XKR9: variants seen among roughly 807,000 people sequenced by gnomAD.
XKR9 encodes the protein XK-related protein 9.
In XKR9, 32 loss-of-function variants were observed where a neutral mutation model predicts 32.0. The observed-to-expected ratio is 1.00, with a 90% CI of 0.76 to 1.34. The LOEUF is 1.34. Among genes scored for constraint, XKR9 ranks in the 40% most tolerant of loss-of-function variants. The pLI is 0.00. For synonymous variants in XKR9, 168 were observed against 143.4 expected, an observed-to-expected ratio of 1.17 and a Z score of -1.22; for missense variants, 546 against 429.7, an observed-to-expected ratio of 1.27 and a Z score of -2.39.
the XKR9 span, among the ~76,000 whole-genome samples, chr8:70,868,276 G>T: frequency 3.9e-5 from 6 of 152,178 alleles, no homozygotes; most frequent in East Asian, 1.2e-3. Context: ...CTGTGTGGGG[G>T]CTCTGACCCC....
the XKR9 span, among the ~76,000 whole-genome samples, chr8:71,030,499 T>C: frequency 6.6e-6 from 1 of 152,206 alleles, no homozygotes; most frequent in African/African-American, 2.4e-5. Flanking sequence ...AGGACTCTAA[T>C]GATATGATCT....
the XKR9 span, among the ~76,000 whole-genome samples, chr8:70,849,254 T>C: frequency 2.6e-5 from 4 of 152,010 alleles, no homozygotes; most frequent in Admixed American, 2.0e-4. Context: ...CCAGAAATCT[T>C]AACAAACAAT....
the XKR9 span, among the ~76,000 whole-genome samples, chr8:70,961,476 C>T: frequency 6.6e-6 from 1 of 152,158 alleles, no homozygotes; most frequent in Admixed American, 6.5e-5. Context: ...CGTGTTTGGA[C>T]AAGTTGCACT....
At chr8:70,952,706 C>T in the XKR9 span, among the ~76,000 whole-genome samples, 1 of 152,146 alleles carries the variant, frequency 6.6e-6, no homozygotes, top group Non-Finnish European at 1.5e-5. Flanking sequence ...TAACTATGGT[C>T]CTCTGAAGAA....
At chr8:70,935,837 T>C in the XKR9 span, among the ~76,000 whole-genome samples, 1 of 152,220 alleles carries the variant, frequency 6.6e-6, no homozygotes, top group African/African-American at 2.4e-5. Flanking sequence ...TTTTTTACCA[T>C]CTGCACTTTG....
chr8:70,775,726 C>T lies in XKR9; in HGVS notation n.353-13613C>T, dbSNP rs1264402974. 4.0e-5 allele frequency among the ~76,000 whole-genome samples: 6 copies of T among 149,814 alleles called. No homozygotes were observed. The South Asian group carries it at 6.3e-4, about 16-fold the overall frequency. ...CTTTTATTAAAGATTTTTGCCTCTGCGTACATGGGGAATATTGGTCATTTT... is the reference window on the plus strand; with the variant it reads ...CTTTTATTAAAGATTTTTGCCTCTGTGTACATGGGGAATATTGGTCATTTT... On this transcript the variant is annotated intron_variant and non_coding_transcript_variant, in intron 2 of 3. Transcript: ENST00000520273.
Position 70,681,151 on chromosome 8 carries a change from A to G in XKR9, c.93A>G (p.Arg31=). 6.2e-7 allele frequency: 1 copy of G among 1,613,516 alleles called. No homozygotes were observed. Among genetic ancestry groups the G allele is most frequent in the Non-Finnish European group, 8.5e-7 (1 of 1,179,604 alleles). ...TTGTGGACATATGGGTATCTGTCAG[A>G]TTTTTCCATGAAGGACAGTATGTTT... ...DLIVDIWVSV[R]FFHEGQYVFS... The change falls in exon 3 of 5, where the codon AGA becomes AGG. Residue 31 remains arginine, a synonymous_variant. Transcript: ENST00000408926.
At chr8:70,671,196 A>T (rs1256079189) in intron 1 of XKR9, among the ~76,000 whole-genome samples, 1 of 152,218 alleles carries the variant, frequency 6.6e-6, no homozygotes. Flanking sequence ...TTGAGCCACC[A>T]TGCCTGGCTG....
chr8:70,735,065 G>A lies in XKR9; in HGVS notation c.*641G>A, dbSNP rs536473641. ...TAATCCTATTTGTGCTAGAATAGTT[G>A]TATCTAAATCATATTTTAAAATTAT... On this transcript the variant is annotated 3_prime_UTR_variant, in exon 5 of 5. Coordinates refer to ENST00000408926, the MANE Select transcript of XKR9 (RefSeq NM_001011720.2). 2.4e-4 allele frequency: 36 copies of A among 152,118 alleles called. No homozygotes were observed. The highest frequency in any genetic ancestry group is 8.4e-4 in the African/African-American group (35 of 41,510). 9.4% of individuals were successfully genotyped at this position (152,118 alleles called of 1,614,324 possible). A position where few individuals can be genotyped will look rare whatever the true frequency, so the allele number is the denominator to read the frequency against.
intron 2 of XKR9, among the ~76,000 whole-genome samples, chr8:70,767,326 G>C (rs1048008593): frequency 2.6e-5 from 4 of 151,978 alleles, no homozygotes; most frequent in African/African-American, 9.7e-5. Flanking sequence ...GCTTAGTCTT[G>C]GGAGGGTGTA....
intron 4 of XKR9, among the ~76,000 whole-genome samples, chr8:70,708,762 T>G (rs958434061): frequency 5.3e-5 from 8 of 152,114 alleles, no homozygotes; most frequent in African/African-American, 1.7e-4. Flanking sequence ...ATAGTAACTA[T>G]GTATAAAATT....
At chr8:70,857,269 C>A in the XKR9 span, among the ~76,000 whole-genome samples, 4 of 152,046 alleles carry the variant, frequency 2.6e-5, no homozygotes, top group South Asian at 4.1e-4. Context: ...CAAATAGACA[C>A]AATAAAAAAT....
downstream of XKR9, among the ~76,000 whole-genome samples, chr8:70,792,288 G>A (rs1002861474): frequency 8.6e-5 from 13 of 152,040 alleles, no homozygotes; most frequent in African/African-American, 3.1e-4. Context: ...GTCTAGTGGT[G>A]GAATCTCAGA....
intron 3 of XKR9, among the ~76,000 whole-genome samples, chr8:70,690,458 C>T (rs952288115): frequency 3.3e-5 from 5 of 151,486 alleles, no homozygotes; most frequent in South Asian, 2.1e-4. Flanking sequence ...CTCAGTCTCC[C>T]GAGTAGCTGG....
At chr8:70,685,066 T>G (rs1819216597) in intron 3 of XKR9, among the ~76,000 whole-genome samples, 1 of 150,386 alleles carries the variant, frequency 6.6e-6, no homozygotes, top group Admixed American at 6.6e-5. Flanking sequence ...TGCAGCACTA[T>G]TCACAATAGC....
chr8:70,675,560 T>A (rs967655046), intron 2 of XKR9, among the ~76,000 whole-genome samples: 1 of 152,224 alleles, frequency 6.6e-6, no homozygotes, highest in African/African-American at 2.4e-5. Context: ...CTTCCACATC[T>A]GGGCATAGGT....
the XKR9 span, among the ~76,000 whole-genome samples, chr8:71,041,255 T>C: frequency 6.6e-6 from 1 of 152,180 alleles, no homozygotes; most frequent in East Asian, 1.9e-4. Context: ...AAAATTCTGC[T>C]TGTAATTATT....
chr8:71,039,525 C>T, the XKR9 span, among the ~76,000 whole-genome samples: 2 of 152,190 alleles, frequency 1.3e-5, no homozygotes, highest in East Asian at 1.9e-4. Flanking sequence ...CTTTCGCACT[C>T]TTGTAAAGTA....
the XKR9 span, among the ~76,000 whole-genome samples, chr8:70,908,126 A>G: frequency 8.5e-4 from 129 of 152,340 alleles, 1 homozygote; most frequent in Non-Finnish European, 1.5e-3. Flanking sequence ...TGAAATGAAC[A>G]TAAACTGTAT....
Sources: allele counts gnomAD v4.1 joint callset (sites outside exome capture counted in the v4.1 genomes callset), GRCh38; gene constraint gnomAD v4.1.1; transcripts MANE v1.5; gene names NCBI Gene and HGNC (gene_info 2026-07-23, HGNC 2026-07-21).